Variants in WRAP73 observed in about 807,000 individuals in gnomAD.
The protein encoded by WRAP73 is WD repeat containing, antisense to TP73.
A neutral mutation model predicts 59.6 loss-of-function variants in WRAP73; 55 were observed. That is an observed-to-expected ratio of 0.92 (90% CI 0.74 to 1.15). The LOEUF is 1.15. Ranked by LOEUF, WRAP73 falls within the 50% of genes most tolerant of loss-of-function variation. WRAP73 has a pLI of 0.00. For missense variants in WRAP73, 592 were observed against 608.1 expected, an observed-to-expected ratio of 0.97 and a Z score of 0.28; for synonymous variants, 265 against 258.2, an observed-to-expected ratio of 1.03 and a Z score of -0.25.
rs193127844 is a variant in WRAP73, at chr1:3,637,426, G to A, written c.413-328C>T. Among the ~76,000 whole-genome samples the A allele has an allele frequency of 3.1e-3, 449 of 144,284 alleles. 3 individuals are homozygous for A. The highest frequency in any genetic ancestry group is 0.01 in the African/African-American group (427 of 41,272). 94.7% of individuals were successfully genotyped at this position (144,284 alleles called of 152,430 possible). Reference sequence around the variant, plus strand: ...ATATGAGTGAGAAACACAGGCCTTCGAGTCCCCCCATGTCTAAGCTGCGGG... The same window carrying A: ...ATATGAGTGAGAAACACAGGCCTTCAAGTCCCCCCATGTCTAAGCTGCGGG... On this transcript the variant is annotated intron_variant, in intron 4 of 11. Coordinates refer to ENST00000270708, the MANE Select transcript of WRAP73 (RefSeq NM_017818.4).
intron 3 of WRAP73, among the ~76,000 whole-genome samples, chr1:3,641,219 C>T (rs75921475): frequency 4.6e-5 from 7 of 152,204 alleles, no homozygotes; most frequent in East Asian, 3.9e-4. Context: ...AGGAAGGGGC[C>T]GCTGATCCAC....
intron 10 of WRAP73, 166 bp from the exon 11 acceptor site, chr1:3,631,823 TGGCCAGGGCCAGG>T (rs1007127224): frequency 3.5e-6 from 5 of 1,419,854 alleles, no homozygotes; most frequent in Non-Finnish European, 4.6e-6. Context: ...GTAGGGCTCC[TGGCCAGGGCCAGG>T]GTGGCCATCA....
intron 9 of WRAP73, chr1:3,632,831 G>A (rs1345532215): frequency 8.4e-6 from 2 of 238,824 alleles, no homozygotes; most frequent in East Asian, 1.3e-4. Context: ...GGCTGCACCT[G>A]TCCTGACCCC....
chr1:3,631,237 G>A (rs1644529745), intron 11 of WRAP73, 120 bp from the exon 12 acceptor site: 36 of 1,501,342 alleles, frequency 2.4e-5, no homozygotes, highest in Non-Finnish European at 3.3e-5. Context: ...GGCAGAGCCA[G>A]GGTGGAGCCC....
At chr1:3,649,773 A>C (rs1570315785) in intron 1 of WRAP73, among the ~76,000 whole-genome samples, 158 bp downstream of exon 1, 1 of 151,554 alleles carries the variant, frequency 6.6e-6, no homozygotes, top group Admixed American at 6.6e-5. Flanking sequence ...CAGACACTGC[A>C]CCTGCCCCGG....
rs369704558 is a variant in WRAP73 at position 3,636,045 on chromosome 1, G to C, written c.517-15C>G. 1 of 1,600,466 alleles carries C rather than the reference G, an allele frequency of 6.2e-7. No individual in the cohort carries two copies. Among genetic ancestry groups the C allele is most frequent in the South Asian group, 1.1e-5 (1 of 90,342 alleles). ...GTATCAAAATGCTTCCAAAGGAAGG[G>C]GGGGAAACATTAAATTTGGAAAATA... is the stretch of plus-strand genomic sequence containing the variant. On this transcript the variant is annotated splice_polypyrimidine_tract_variant and intron_variant, in intron 5 of 11. Transcript: ENST00000270708.
chr1:3,631,454 G>A lies in WRAP73; in HGVS notation c.1240+12C>T. On this transcript the variant is annotated intron_variant, in intron 11 of 11. Coordinates refer to ENST00000270708, the MANE Select transcript of WRAP73 (RefSeq NM_017818.4). ...AAGGCTGCCACGTCCGTGGCCTCGG[G>A]GATGTGCTTACCTTCCCCAGGCACC... The A allele has an allele frequency of 6.3e-7, 1 of 1,581,422 alleles. No homozygotes were observed. Among genetic ancestry groups the A allele is most frequent in the Non-Finnish European group, 8.6e-7 (1 of 1,163,132 alleles).
At position 3,641,150 on chromosome 1, in the gene WRAP73, C is replaced by T. The variant is rs1038171487; in HGVS notation, c.340-2328G>A. Among the ~76,000 whole-genome samples the T allele has an allele frequency of 1.3e-5, 2 of 152,226 alleles. 1 individual carries two copies. The highest frequency in any genetic ancestry group is 2.9e-5 in the Non-Finnish European group (2 of 68,038). On this transcript the variant is annotated intron_variant, in intron 3 of 11. Coordinates refer to ENST00000270708, the MANE Select transcript of WRAP73 (RefSeq NM_017818.4). ...GACCCGTGGGATGGGCTCCACAGCA[C>T]TCAGCAGCAGGAAGAAAGGACCAGA...
chr1:3,643,452 TAATGGGCGC>T (rs1336845783), intron 3 of WRAP73, among the ~76,000 whole-genome samples: 2 of 152,342 alleles, frequency 1.3e-5, no homozygotes, highest in African/African-American at 4.8e-5. Flanking sequence ...GAACCTCGTC[TAATGGGCGC>T]AAGCTTGCCT....
intron 10 of WRAP73, 175 bp downstream of exon 10, chr1:3,632,038 G>C (rs1351828728): frequency 6.7e-7 from 1 of 1,490,088 alleles, no homozygotes; most frequent in Non-Finnish European, 8.8e-7. Context: ...GCTGCTGCAG[G>C]ACAAAGGCCC....
intron 10 of WRAP73, 33 bp from the exon 11 acceptor site, chr1:3,631,690 C>A: frequency 6.4e-7 from 1 of 1,562,658 alleles, no homozygotes. Context: ...CCGGTGTCAT[C>A]CCTGCCTGGC....
intron 6 of WRAP73, chr1:3,635,700 G>A: frequency 1.9e-6 from 1 of 517,594 alleles, no homozygotes; most frequent in Non-Finnish European, 3.4e-6. Context: ...GCATGCTTGT[G>A]GTCCCAGCTA....
Position 3,632,489 on chromosome 1 carries a change from G to A in WRAP73, c.923-151C>T, listed in dbSNP as rs1019349686. 6.4e-6 allele frequency: 8 copies of A among 1,247,708 alleles called. No individual in the cohort carries two copies. In the African/African-American group the frequency reaches 1.2e-4, roughly 18 times the overall value. The allele number at this position is 1,247,708 out of a possible 1,614,324, so 77.3% of individuals were successfully genotyped here. A position where few individuals can be genotyped will look rare whatever the true frequency, so the allele number is the denominator to read the frequency against. On this transcript the variant is annotated intron_variant, in intron 9 of 11. Transcript: ENST00000270708. ...GCGGCCCAAGGGCAGGAAGAGCTAA[G>A]CAAAGCCTGGCAGCCGCAGCGAGGG...
chr1:3,633,671 C>A, intron 8 of WRAP73, 168 bp from the exon 9 acceptor site: 1 of 586,058 alleles, frequency 1.7e-6, no homozygotes, highest in Non-Finnish European at 3.0e-6. Context: ...GTCCCGAGAG[C>A]TGAGATCACC....
chr1:3,646,687 A>T lies in WRAP73; in HGVS notation c.318T>A (p.Ile106=). ...ASCWSPDGRH[I]LNTTEFHLRI... is the part of the protein sequence containing the mutation. ...TTACATGGAATTCCGTGGTGTTGAG[A>T]ATGTGGCGCCCGTCCGGGCTCCAGC... The change falls in exon 3 of 12, where the codon ATT becomes ATA. Residue 106 remains isoleucine (I), a synonymous_variant. Transcript: ENST00000270708. This position sits in a 1 kb window ranked among gnomAD's most constrained non-coding sequence, Gnocchi z 5.1. 1 of 1,603,268 alleles carries T rather than the reference A, an allele frequency of 6.2e-7. No individual in the cohort carries two copies. The highest frequency in any genetic ancestry group is 2.2e-5 in the East Asian group (1 of 44,580).
At position 3,635,206 on chromosome 1, in the gene WRAP73, C is replaced by T. The variant is rs1226610371; in HGVS notation, c.692G>A (p.Trp231Ter). The change falls in exon 7 of 12, where the codon TGG (tryptophan) becomes TAG (stop). Residue 231 changes from tryptophan (W) to a stop codon, truncating the protein, a stop_gained. Coordinates refer to ENST00000270708, the MANE Select transcript of WRAP73 (RefSeq NM_017818.4). LOFTEE classifies it high-confidence loss of function. ...EWSLGIKSVA[W>*]SPSSQFLAVG... ...TGCCAGGAACTGACTGCTGGGGCTC[C>T]AGGCCACAGACTTGATGCCCAGGGA... The T allele has an allele frequency of 3.1e-6, 5 of 1,614,092 alleles. No individual in the cohort carries two copies. Among genetic ancestry groups the T allele is most frequent in the Non-Finnish European group, 4.2e-6 (5 of 1,180,042 alleles).
chr1:3,635,343 G>C, intron 6 of WRAP73, 49 bp from the exon 7 acceptor site: 2 of 1,608,156 alleles, frequency 1.2e-6, no homozygotes, highest in Non-Finnish European at 1.7e-6. Context: ...CCGTCGCCAG[G>C]AACACACCAC....
chr1:3,641,817 T>C (rs1339117645), intron 3 of WRAP73, among the ~76,000 whole-genome samples: 1 of 152,186 alleles, frequency 6.6e-6, no homozygotes, highest in Non-Finnish European at 1.5e-5. Flanking sequence ...ATTTACAACA[T>C]ACACACTCAA....
intron 3 of WRAP73, among the ~76,000 whole-genome samples, chr1:3,645,603 T>G (rs1644683479): frequency 6.6e-6 from 1 of 152,192 alleles, no homozygotes; most frequent in African/African-American, 2.4e-5. Flanking sequence ...CTCAGTGGAC[T>G]TGGGCCCAAA....
Sources: gnomAD v4.1 joint callset for allele counts (sites outside exome capture counted in the v4.1 genomes callset) on GRCh38, gnomAD v4.1.1 for gene constraint, Gnocchi (gnomAD v3.1) non-coding constraint, MANE v1.5 for transcripts, NCBI Gene and HGNC (gene_info 2026-07-23, HGNC 2026-07-21) for gene names.